C1QTNF5: variants seen among roughly 807,000 people sequenced by gnomAD.
C1QTNF5 encodes the protein C1q and TNF related 5, also known as complement C1q tumor necrosis factor-related protein 5.
In C1QTNF5, 5 loss-of-function variants were observed where a neutral mutation model predicts 10.9. The observed-to-expected ratio is 0.46, with a 90% CI of 0.24 to 0.97. C1QTNF5 has a LOEUF of 0.97. C1QTNF5 is among the 50% of genes least tolerant of loss of function. The pLI, the probability that C1QTNF5 is intolerant of heterozygous loss-of-function variation, is 0.19. For missense variants in C1QTNF5, 281 were observed against 339.4 expected, an observed-to-expected ratio of 0.83 and a Z score of 1.35; for synonymous variants, 161 against 156.5, an observed-to-expected ratio of 1.03 and a Z score of -0.22.
At chr11:119,346,701 T>C in the C1QTNF5 span, 1 of 655,848 alleles carries the variant, frequency 1.5e-6, no homozygotes, top group Non-Finnish European at 2.8e-6. Flanking sequence ...ACTCTGTCTC[T>C]GTGTGGGGGA....
chr11:119,345,476 G>A (rs755579688), upstream of C1QTNF5: 2 of 1,614,106 alleles, frequency 1.2e-6, no homozygotes, highest in South Asian at 2.2e-5. Flanking sequence ...AAAGGCAAGA[G>A]GCCACACTCT....
Position 119,339,786 on chromosome 11 carries a change from C to T in C1QTNF5, c.277G>A (p.Gly93Arg). 6.6e-7 allele frequency: 1 copy of T among 1,513,084 alleles called. No individual in the cohort carries two copies. Among genetic ancestry groups the T allele is most frequent in the South Asian group, 1.3e-5 (1 of 79,974 alleles). 93.7% of individuals were successfully genotyped at this position (1,513,084 alleles called of 1,614,324 possible). The change falls in exon 3 of 3, where the codon GGG (glycine) becomes AGG (arginine). Residue 93 changes from glycine to arginine, a missense_variant. By Grantham distance (125) the Gly-to-Arg change is moderately radical. Transcript: ENST00000528368. The surrounding 1 kb of genome is among the most constrained non-coding windows in gnomAD (Gnocchi z 5.4). ...RGEAGPAGPT[G>R]PAGECSVPPR... ...GGCACCGAGCACTCCCCGGCAGGCC[C>T]GGTGGGCCCCGCGGGTCCCGCCTCT...
chr11:119,345,537 T>C, upstream of C1QTNF5: 1 of 1,614,042 alleles, frequency 6.2e-7, no homozygotes, highest in South Asian at 1.1e-5. Context: ...TGTGGCCACC[T>C]GGATATGCCA....
chr11:119,343,968 G>T, upstream of C1QTNF5: 1 of 1,612,200 alleles, frequency 6.2e-7, no homozygotes, highest in Non-Finnish European at 8.5e-7. Flanking sequence ...TGCAGAGCTG[G>T]GGGAGGGCAT....
At chr11:119,345,360 T>C (rs1950551419), upstream of C1QTNF5, 1 of 1,545,978 alleles carries the variant, frequency 6.5e-7, no homozygotes, top group Non-Finnish European at 8.9e-7. Flanking sequence ...ACTCCCTGAT[T>C]CTGCTCTTTA....
upstream of C1QTNF5, chr11:119,345,110 G>A: frequency 7.6e-6 from 11 of 1,447,734 alleles, no homozygotes; most frequent in Non-Finnish European, 1.0e-5. Context: ...CCAAACTGGT[G>A]ACCATGTGGT....
Position 119,339,958 on chromosome 11 carries a change from A to G in C1QTNF5, c.215-110T>C. ...CCCCGCCCCTGCCTGAGCTTCGGCC[A>G]GCGCCTCCTCCCGCACGGGTACCTC... On this transcript the variant is annotated intron_variant, in intron 2 of 2. Coordinates refer to ENST00000528368, the MANE Select transcript of C1QTNF5 (RefSeq NM_001278431.2). The surrounding 1 kb of genome is among the most constrained non-coding windows in gnomAD (Gnocchi z 5.4). 1 of 1,368,524 alleles carries G rather than the reference A, an allele frequency of 7.3e-7. No individual in the cohort carries two copies. 84.8% of individuals were successfully genotyped at this position (1,368,524 alleles called of 1,614,324 possible).
chr11:119,344,071 GC>G (rs1555037360), upstream of C1QTNF5: 1 of 1,433,206 alleles, frequency 7.0e-7, no homozygotes, highest in Non-Finnish European at 9.7e-7. Flanking sequence ...ATGGGGTGGT[GC>G]TTTCATCATT....
rs1436271797 is a variant in C1QTNF5 at position 119,340,739 on chromosome 11, C to G, written c.-88G>C. On this transcript the variant is annotated 5_prime_UTR_variant, in exon 1 of 3. Transcript: ENST00000528368. ...ATGGCCTCCTTCGGGGCGCTCGCTACTCCGGACCCTCCAGTTGGTGGTGCT... is the reference window on the plus strand; with the variant it reads ...ATGGCCTCCTTCGGGGCGCTCGCTAGTCCGGACCCTCCAGTTGGTGGTGCT... 1 of 343,016 alleles carries G rather than the reference C, an allele frequency of 2.9e-6. No homozygotes were observed. Among genetic ancestry groups the G allele is most frequent in the Non-Finnish European group, 5.4e-6 (1 of 185,504 alleles). 21.2% of individuals were successfully genotyped at this position (343,016 alleles called of 1,614,324 possible).
At chr11:119,341,777 G>A (rs968607580), upstream of C1QTNF5, 10 of 1,613,088 alleles carry the variant, frequency 6.2e-6, no homozygotes, top group African/African-American at 1.3e-5. Context: ...CAGGCTCTGC[G>A]GAGGGAGAGT....
At chr11:119,346,297 G>A in the C1QTNF5 span, 3 of 1,613,800 alleles carry the variant, frequency 1.9e-6, no homozygotes, top group South Asian at 2.2e-5. Flanking sequence ...GGACGCTGTA[G>A]CTGGCATCCT....
upstream of C1QTNF5, chr11:119,344,910 A>G: frequency 6.2e-7 from 1 of 1,612,518 alleles, no homozygotes; most frequent in Non-Finnish European, 8.5e-7. Context: ...CAGGCATGGA[A>G]ACCAAATCCT....
the C1QTNF5 span, chr11:119,346,320 G>T: frequency 6.2e-7 from 1 of 1,613,980 alleles, no homozygotes. Flanking sequence ...GGGAAAACTG[G>T]GGGAGGGCAG....
upstream of C1QTNF5, chr11:119,345,517 T>C: frequency 1.9e-6 from 3 of 1,614,084 alleles, no homozygotes; most frequent in Non-Finnish European, 2.5e-6. Context: ...TTGAGCTGTA[T>C]TGCATGGTCT....
At chr11:119,344,884 G>C (rs1432762303), upstream of C1QTNF5, 1 of 1,613,016 alleles carries the variant, frequency 6.2e-7, no homozygotes, top group African/African-American at 1.3e-5. Context: ...CGCGCCCAGG[G>C]GCCATAGCCT....
upstream of C1QTNF5, chr11:119,343,969 G>C: frequency 6.2e-7 from 1 of 1,612,138 alleles, no homozygotes; most frequent in Non-Finnish European, 8.5e-7. Context: ...GCAGAGCTGG[G>C]GGAGGGCATA....
chr11:119,342,077 T>C, upstream of C1QTNF5: 1 of 1,483,536 alleles, frequency 6.7e-7, no homozygotes, highest in Non-Finnish European at 9.2e-7. Flanking sequence ...TGTGTGTACA[T>C]GGGTCCAATG....
At chr11:119,345,147 G>A (rs927987366), upstream of C1QTNF5, 15 of 1,113,830 alleles carry the variant, frequency 1.3e-5, no homozygotes, top group Admixed American at 4.6e-5. Flanking sequence ...ATGTCCCAGG[G>A]AGCTCTGACC....
At chr11:119,342,541 G>T (rs1331025712), upstream of C1QTNF5, 17 of 1,605,480 alleles carry the variant, frequency 1.1e-5, no homozygotes, top group Non-Finnish European at 9.4e-6. Context: ...CGGCAGTAGG[G>T]TTCTGTGAGG....
Sources: allele counts gnomAD v4.1 joint callset, GRCh38; gene constraint gnomAD v4.1.1; non-coding constraint Gnocchi (gnomAD v3.1); transcripts MANE v1.5; gene names NCBI Gene and HGNC (gene_info 2026-07-23, HGNC 2026-07-21).